BTD: variants seen among roughly 807,000 people sequenced by gnomAD.
The protein encoded by BTD is biotinidase, also known as biocytinase.
In BTD, 13 loss-of-function variants were observed where a neutral mutation model predicts 17.7. That is an observed-to-expected ratio of 0.74 (90% CI 0.48 to 1.17). The LOEUF (loss-of-function observed/expected upper bound fraction) is 1.17, where lower values mean the gene tolerates loss of function less well. BTD is among the 50% of genes most tolerant of loss of function. BTD has a pLI of 0.00. For missense variants in BTD, 674 were observed against 650.4 expected (o/e 1.04, Z -0.39); for synonymous variants, 240 against 245.2 (o/e 0.98, Z 0.20).
At position 15,644,327 on chromosome 3, in the gene BTD, C is replaced by A; in HGVS notation, c.411C>A (p.Arg137=). 2 of 1,613,848 alleles carry A rather than the reference C, an allele frequency of 1.2e-6. No individual in the cohort carries two copies. The highest frequency in any genetic ancestry group is 2.2e-5 in the South Asian group (2 of 91,036). Reference sequence around the variant, plus strand: ...TTTTTTTCCTCTAGGTGCTCCAGCGCCTGAGTTGTATGGCCATCAGGGGAG... The same window carrying A: ...TTTTTTTCCTCTAGGTGCTCCAGCGACTGAGTTGTATGGCCATCAGGGGAG... ...HRFNDTEVLQ[R]LSCMAIRGDM... is the part of the protein sequence containing the mutation. Residue 137 remains arginine, a synonymous_variant, in exon 4 of 4, where the codon CGC becomes CGA. Coordinates refer to ENST00000643237, the MANE Select transcript of BTD (RefSeq NM_001370658.1).
At chr3:15,706,209 T>C (rs2071364429) in intron 3 of BTD, among the ~76,000 whole-genome samples, 1 of 152,062 alleles carries the variant, frequency 6.6e-6, no homozygotes, top group Non-Finnish European at 1.5e-5. Flanking sequence ...TCACTTACAT[T>C]AGGTATACCT....
intron 1 of BTD, among the ~76,000 whole-genome samples, chr3:15,603,572 G>C (rs1354790440): frequency 6.6e-6 from 1 of 152,192 alleles, no homozygotes; most frequent in East Asian, 1.9e-4. Flanking sequence ...CAGGAGAATG[G>C]TGTGAACCCG....
rs397514361 is a variant in BTD, at chr3:15,644,301, CT to C, written c.400-8del. The C allele has an allele frequency of 9.3e-6, 15 of 1,609,946 alleles. No individual in the cohort carries two copies. The highest frequency in any genetic ancestry group is 3.4e-5 in the Admixed American group (2 of 59,300). On this transcript the variant is annotated splice_polypyrimidine_tract_variant and intron_variant, in intron 3 of 3. Transcript: ENST00000643237. ...AGGCAAAAACCTCATTTATTTACAC[CT>C]TTTTTTCCTCTAGGTGCTCCAGCGC...
intron 4 of BTD, among the ~76,000 whole-genome samples, chr3:15,719,650 C>G (rs957920240): frequency 3.3e-5 from 5 of 152,068 alleles, no homozygotes; most frequent in African/African-American, 1.2e-4. Context: ...TTCACTGTAA[C>G]TTTGAACTTC....
chr3:15,699,219 A>T (rs1488284032), intron 3 of BTD, among the ~76,000 whole-genome samples: 2 of 152,238 alleles, frequency 1.3e-5, no homozygotes, highest in Non-Finnish European at 2.9e-5. Context: ...TCCCTTCCTT[A>T]CACTATATAC....
intron 1 of BTD, among the ~76,000 whole-genome samples, chr3:15,634,720 G>A (rs2065298040): frequency 6.6e-6 from 1 of 152,218 alleles, no homozygotes; most frequent in Admixed American, 6.5e-5. Flanking sequence ...GGTTAAGAAA[G>A]TGATAATGTG....
downstream of BTD, among the ~76,000 whole-genome samples, chr3:15,657,803 A>G (rs564474447): frequency 2.0e-5 from 3 of 151,386 alleles, no homozygotes; most frequent in East Asian, 5.8e-4. Flanking sequence ...TGCAAACAAT[A>G]TAAAAGTCTT....
chr3:15,644,056 A>G (rs1330611066), intron 3 of BTD, among the ~76,000 whole-genome samples: 2 of 151,478 alleles, frequency 1.3e-5, no homozygotes, highest in Non-Finnish European at 2.9e-5. Flanking sequence ...GCTGGAGTGC[A>G]GTGGCGCGAT....
Position 15,601,845 on chromosome 3 carries a change from G to T in BTD, c.-66G>T. 6.2e-7 allele frequency: 1 copy of T among 1,614,232 alleles called. No homozygotes were observed. The highest frequency in any genetic ancestry group is 8.5e-7 in the Non-Finnish European group (1 of 1,180,048). ...GCTGGAGCGTTTTCGGGGCTGTAAA[G>T]GGAGAATGGCGCATGCGCATATTCA... On this transcript the variant is annotated 5_prime_UTR_variant, in exon 1 of 4. It adds an upstream start codon to the 5' untranslated region. Transcript: ENST00000643237.
intron 3 of BTD, chr3:15,675,890 C>T: frequency 1.2e-6 from 2 of 1,600,240 alleles, no homozygotes; most frequent in Non-Finnish European, 1.7e-6. Context: ...AATATAGAAC[C>T]AACTTACCAT....
downstream of BTD, among the ~76,000 whole-genome samples, chr3:15,654,289 A>T (rs2065848545): frequency 6.6e-6 from 1 of 152,162 alleles, no homozygotes; most frequent in African/African-American, 2.4e-5. Context: ...CAGGCTCTGC[A>T]GGCTGGGGGA....
In BTD at chr3:15,645,832, T is replaced by TG. The variant is rs1427846460; in HGVS notation, c.*348dup. 5.0e-6 allele frequency: 1 copy of TG among 199,860 alleles called. No individual in the cohort carries two copies. The highest frequency in any genetic ancestry group is 1.0e-5 in the Non-Finnish European group (1 of 100,032). 12.4% of individuals were successfully genotyped at this position (199,860 alleles called of 1,614,324 possible). A position where few individuals can be genotyped will look rare whatever the true frequency, so the allele number is the denominator to read the frequency against. ...TTTACACATCCACAAAGCAGTGGCT[T>TG]GGGGTTTTTTTTTTTTTTTTTATCT... On this transcript the variant is annotated 3_prime_UTR_variant, in exon 4 of 4. Transcript: ENST00000643237.
intron 4 of BTD, chr3:15,720,920 T>G: frequency 5.0e-6 from 8 of 1,613,068 alleles, no homozygotes; most frequent in Non-Finnish European, 5.1e-6. Context: ...CTTACCTTCA[T>G]ATTGACATCG....
chr3:15,721,202 CTGTGGTT>C, intron 4 of BTD: 1 of 1,266,868 alleles, frequency 7.9e-7, no homozygotes, highest in Non-Finnish European at 1.1e-6. Flanking sequence ...TTTTAGCAAC[CTGTGGTT>C]GCAATCAAAT....
At chr3:15,609,390 T>C (rs1017996246) in intron 1 of BTD, among the ~76,000 whole-genome samples, 2 of 152,202 alleles carry the variant, frequency 1.3e-5, no homozygotes, top group Admixed American at 6.5e-5. Flanking sequence ...CTTTAGATGA[T>C]CGATATTTGG....
intron 1 of BTD, chr3:15,602,324 C>G (rs1367663685): frequency 1.9e-6 from 2 of 1,075,448 alleles, no homozygotes; most frequent in Non-Finnish European, 2.3e-6. Context: ...GTATAGAGCA[C>G]TGTTTTCTCC....
exon 4 of BTD, chr3:15,711,266 T>C: frequency 1.2e-6 from 2 of 1,610,694 alleles, no homozygotes; most frequent in East Asian, 2.2e-5. Context: ...GGGGTATCTA[T>C]ATCAAATCCT....
chr3:15,631,043 A>T lies in BTD; in HGVS notation c.-16-4381A>T, dbSNP rs192397037. ...AATTCAGATCATATAAATTAGGTGAAGATAGACATTATTTCTCCTGTTTAT... is the reference window on the plus strand; with the variant it reads ...AATTCAGATCATATAAATTAGGTGATGATAGACATTATTTCTCCTGTTTAT... On this transcript the variant is annotated intron_variant, in intron 1 of 3. Transcript: ENST00000643237. 4.9e-4 allele frequency among the ~76,000 whole-genome samples: 75 copies of T among 152,376 alleles called. 4 individuals are homozygous for T. In the East Asian group the frequency reaches 0.013, roughly 27 times the overall value.
Position 15,720,865 on chromosome 3 carries a change from T to TCA in BTD, c.1016-905_1016-904insCA, listed in dbSNP as rs1247017649. On this transcript the variant is annotated intron_variant, in intron 4 of 4. Coordinates refer to the BTD transcript ENST00000672427. The stretch of plus-strand genomic sequence containing the variant: ...TCAATGGTATTCACCATTGATGTTG[T>TCA]TTTAACAGTGACATATGAAATACTT... The TCA allele has an allele frequency of 8.5e-6, 13 of 1,538,002 alleles. No individual in the cohort carries two copies. The Admixed American group carries it at 2.4e-4, about 28-fold the overall frequency.
Sources: allele counts gnomAD v4.1 joint callset (sites outside exome capture counted in the v4.1 genomes callset), GRCh38; gene constraint gnomAD v4.1.1; transcripts MANE v1.5; gene names NCBI Gene and HGNC (gene_info 2026-07-23, HGNC 2026-07-21).